Variants in JHY observed in about 807,000 individuals in gnomAD.
The protein encoded by JHY is junctional cadherin complex regulator, also known as jhy protein homolog.
A neutral mutation model predicts 78.0 loss-of-function variants in JHY; 69 were observed. The observed-to-expected ratio is 0.88, with a 90% CI of 0.73 to 1.08. The LOEUF (loss-of-function observed/expected upper bound fraction) is 1.08, where lower values mean the gene tolerates loss of function less well. JHY is among the 50% of genes least tolerant of loss of function. The probability of loss-of-function intolerance (pLI) is 0.00; values close to 1 mark genes in which losing one functional copy is unlikely to be tolerated. For missense variants in JHY, 944 were observed against 927.8 expected (o/e 1.02, Z -0.23); for synonymous variants, 368 against 342.6 (o/e 1.07, Z -0.82).
intron 3 of JHY, among the ~76,000 whole-genome samples, chr11:122,920,190 C>T (rs1863332240): frequency 6.6e-6 from 1 of 152,194 alleles, no homozygotes; most frequent in Non-Finnish European, 1.5e-5. Flanking sequence ...TACTTCAGCT[C>T]ACTCCTTAGC....
chr11:122,899,355 C>T (rs3107626), intron 2 of JHY, among the ~76,000 whole-genome samples: 143,844 of 152,304 alleles, frequency 0.94, 68,000 homozygotes, highest in Middle Eastern at 0.98. Flanking sequence ...TACTTGAAGA[C>T]AATAATTGAG....
chr11:122,925,060 T>C (rs911211954), intron 4 of JHY, 50 bp downstream of exon 4: 1 of 1,356,666 alleles, frequency 7.4e-7, no homozygotes. Flanking sequence ...TACTGCTGAA[T>C]ATAAGTAATG....
intron 2 of JHY, among the ~76,000 whole-genome samples, chr11:122,899,690 G>C (rs1862807582): frequency 6.6e-6 from 1 of 152,192 alleles, no homozygotes; most frequent in African/African-American, 2.4e-5. Flanking sequence ...GAGGAGACAA[G>C]ATTATCACAG....
chr11:122,946,371 A>G, intron 5 of JHY, 127 bp from the exon 6 acceptor site: 1 of 1,007,830 alleles, frequency 9.9e-7, no homozygotes, highest in Admixed American at 3.3e-5. Context: ...AGATTAAGCT[A>G]AAGGTCATTA....
chr11:122,922,809 C>CAAAAAAAAAAAAAA (rs571482464), intron 3 of JHY, among the ~76,000 whole-genome samples: 14 of 44,366 alleles, frequency 3.2e-4, no homozygotes, highest in Admixed American at 5.5e-4. Flanking sequence ...GACTCCGTCT[C>CAAAAAAAAAAAAAA]AAAAAAAAAA....
intron 8 of JHY, chr11:122,958,886 G>T (rs912143393): frequency 2.0e-6 from 2 of 984,940 alleles, no homozygotes; most frequent in Non-Finnish European, 2.4e-6. Context: ...TGGATAGAAA[G>T]GTCTATTAAT....
At chr11:122,907,210 T>A (rs576918562) in intron 3 of JHY, among the ~76,000 whole-genome samples, 380 of 152,204 alleles carry the variant, frequency 2.5e-3, no homozygotes, top group African/African-American at 8.5e-3. Flanking sequence ...TAATGATATG[T>A]GTAACTTAGT....
At chr11:122,946,427 G>T in intron 5 of JHY, 71 bp from the exon 6 acceptor site, 1 of 1,455,700 alleles carries the variant, frequency 6.9e-7, no homozygotes, top group Non-Finnish European at 9.2e-7. Flanking sequence ...GGTTCATAAA[G>T]ACTTTTATGC....
chr11:122,929,957 G>A (rs529069212), intron 4 of JHY, among the ~76,000 whole-genome samples: 6 of 152,318 alleles, frequency 3.9e-5, no homozygotes, highest in Admixed American at 2.0e-4. Flanking sequence ...CAATTTCAGC[G>A]GGATGGGGAG....
chr11:122,918,030 A>G (rs965362713), intron 3 of JHY, among the ~76,000 whole-genome samples: 4 of 151,476 alleles, frequency 2.6e-5, no homozygotes, highest in Non-Finnish European at 5.9e-5. Context: ...TCTCCCAAGT[A>G]GCTGGGATTA....
At chr11:122,920,519 G>A (rs569152417) in intron 3 of JHY, among the ~76,000 whole-genome samples, 2 of 152,112 alleles carry the variant, frequency 1.3e-5, no homozygotes, top group Admixed American at 6.6e-5. Context: ...GTCTTTACGC[G>A]GATTCACTGA....
At chr11:122,953,845 G>T (rs974318955) in intron 6 of JHY, among the ~76,000 whole-genome samples, 3 of 152,100 alleles carry the variant, frequency 2.0e-5, no homozygotes, top group African/African-American at 7.2e-5. Flanking sequence ...CCTTCCTTAA[G>T]AATCTTGTTT....
At chr11:122,958,458 T>C (rs1212254879) in intron 8 of JHY, among the ~76,000 whole-genome samples, 1 of 152,180 alleles carries the variant, frequency 6.6e-6, no homozygotes, top group East Asian at 1.9e-4. Context: ...ATGAAGAGTT[T>C]CAAGGCAACA....
chr11:122,929,089 C>T (rs1005174459), intron 4 of JHY, among the ~76,000 whole-genome samples: 14 of 151,836 alleles, frequency 9.2e-5, no homozygotes, highest in African/African-American at 2.9e-4. Context: ...CACCACGCCT[C>T]GCTAATTTTG....
At position 122,946,633 on chromosome 11, in the gene JHY, C is replaced by T. The variant is rs774338903; in HGVS notation, c.1770C>T (p.Ser590=). ...DVQPSEGALS[S]VTLPPILSRV... ...AGCCCAGTGAAGGGGCCTTATCCAG[C>T]GTCACGCTTCCACCTATACTGTCAA... is the stretch of plus-strand genomic sequence containing the variant. The change falls in exon 6 of 9, where the codon AGC becomes AGT. Residue 590 remains serine (S), a synonymous_variant. Coordinates refer to ENST00000227349, the MANE Select transcript of JHY (RefSeq NM_024806.4). The T allele has an allele frequency of 1.8e-5, 29 of 1,614,096 alleles. No individual in the cohort carries two copies. Among genetic ancestry groups the T allele is most frequent in the South Asian group, 1.4e-4 (13 of 91,072 alleles).
chr11:122,895,058 T>C (rs1209352723), intron 2 of JHY, among the ~76,000 whole-genome samples: 2 of 152,226 alleles, frequency 1.3e-5, no homozygotes, highest in East Asian at 1.9e-4. Flanking sequence ...TTCATTTTAT[T>C]TACTTAAAAG....
chr11:122,891,665 T>G (rs1253779065), intron 2 of JHY, among the ~76,000 whole-genome samples: 1 of 152,186 alleles, frequency 6.6e-6, no homozygotes, highest in Admixed American at 6.5e-5. Flanking sequence ...AGCTACCATT[T>G]GTAAAACTCT....
Position 122,883,432 on chromosome 11 carries a change from G to T in JHY, c.-90+460G>T, listed in dbSNP as rs964058493. ...GGTTCCTTTTCCCCTCCAGGAGAAA[G>T]TTCGATTGTCCCATGCTAGTGGACT... On this transcript the variant is annotated intron_variant, in intron 1 of 8. Transcript: ENST00000227349. This position sits in a 1 kb window ranked among gnomAD's most constrained non-coding sequence, Gnocchi z 4.4. 3.9e-5 allele frequency among the ~76,000 whole-genome samples: 6 copies of T among 152,190 alleles called. No individual in the cohort carries two copies. The highest frequency in any genetic ancestry group is 1.3e-4 in the Admixed American group (2 of 15,286).
At position 122,960,223 on chromosome 11, in the gene JHY, G is replaced by A. The variant is rs1004002636; in HGVS notation, c.*778G>A. 6.6e-6 allele frequency: 1 copy of A among 152,670 alleles called. No homozygotes were observed. The highest frequency in any genetic ancestry group is 1.5e-5 in the Non-Finnish European group (1 of 68,424). The allele number at this position is 152,670 out of a possible 1,614,324, so 9.5% of individuals were successfully genotyped here. A position where few individuals can be genotyped will look rare whatever the true frequency, so the allele number is the denominator to read the frequency against. ...CACTCCAGCCTGGGCAACAAAGCAA[G>A]ACTCTGTCTGAACAACAACAACAAA... On this transcript the variant is annotated 3_prime_UTR_variant, in exon 9 of 9. Coordinates refer to ENST00000227349, the MANE Select transcript of JHY (RefSeq NM_024806.4).
Sources: gnomAD v4.1 joint callset for allele counts (sites outside exome capture counted in the v4.1 genomes callset) on GRCh38, gnomAD v4.1.1 for gene constraint, Gnocchi (gnomAD v3.1) non-coding constraint, MANE v1.5 for transcripts, NCBI Gene and HGNC (gene_info 2026-07-23, HGNC 2026-07-21) for gene names.